The following CADPS variants were observed in gnomAD, a reference collection of about 807,000 sequenced individuals.
CADPS encodes calcium dependent secretion activator, also known as calcium-dependent secretion activator 1.
CADPS carries 57 observed loss-of-function variants against 167.3 expected under a neutral mutation model. That is an observed-to-expected ratio of 0.34 (90% CI 0.28 to 0.42). CADPS has a LOEUF of 0.42. CADPS is among the 20% of genes least tolerant of loss of function. CADPS has a pLI of 1.00. For missense variants in CADPS, 1,414 were observed against 1,738.1 expected (o/e 0.81, Z 3.32); for synonymous variants, 676 against 635.3 (o/e 1.06, Z -0.96).
intron 3 of CADPS, among the ~76,000 whole-genome samples, chr3:62,731,578 G>T (rs2077809023): frequency 6.6e-6 from 1 of 152,000 alleles, no homozygotes; most frequent in Non-Finnish European, 1.5e-5. Context: ...CTATACTGGT[G>T]CAGCTCTGGT....
At chr3:62,605,169 A>G (rs996934139) in intron 6 of CADPS, among the ~76,000 whole-genome samples, 5 of 152,010 alleles carry the variant, frequency 3.3e-5, no homozygotes, top group African/African-American at 9.7e-5. Flanking sequence ...GGCTTGGGCC[A>G]GGGGAATTGT....
At chr3:62,463,034 G>T (rs1174651986) in intron 26 of CADPS, among the ~76,000 whole-genome samples, 2 of 152,184 alleles carry the variant, frequency 1.3e-5, no homozygotes, top group Non-Finnish European at 2.9e-5. Context: ...CCAGCAACAG[G>T]CACCGAAGTG....
chr3:62,827,640 C>T (rs1303330775), intron 1 of CADPS, among the ~76,000 whole-genome samples: 1 of 152,174 alleles, frequency 6.6e-6, no homozygotes, highest in East Asian at 1.9e-4. Context: ...GGAAACTGAT[C>T]TTTCAAATAG....
chr3:62,831,446 G>A (rs928997220), intron 1 of CADPS, among the ~76,000 whole-genome samples: 2 of 152,102 alleles, frequency 1.3e-5, no homozygotes, highest in Admixed American at 6.6e-5. Flanking sequence ...AGGGAATCAG[G>A]ATGATGGGTT....
intron 8 of CADPS, among the ~76,000 whole-genome samples, chr3:62,576,918 A>G (rs2082401490): frequency 6.7e-6 from 1 of 150,278 alleles, no homozygotes; most frequent in African/African-American, 2.5e-5. Flanking sequence ...CATATTTTGT[A>G]TCATGATTTG....
At chr3:62,471,674 G>C (rs1208107930) in intron 24 of CADPS, among the ~76,000 whole-genome samples, 1 of 152,146 alleles carries the variant, frequency 6.6e-6, no homozygotes, top group Non-Finnish European at 1.5e-5. Context: ...GGCAAGACCA[G>C]TCCTGTTGTA....
At position 62,825,509 on chromosome 3, in the gene CADPS, C is replaced by G. The variant is rs1033461103; in HGVS notation, c.441+49080G>C. On this transcript the variant is annotated intron_variant, in intron 1 of 29. Transcript: ENST00000383710. ...TCCAATGCATGCTCAAGTTTGAAAA[C>G]CACCGTCTTCTATCAGGTAAACCTC... Among the ~76,000 whole-genome samples, 16 of 152,244 alleles carry G rather than the reference C, an allele frequency of 1.1e-4. No homozygotes were observed. The East Asian group carries it at 2.1e-3, about 20-fold the overall frequency.
chr3:62,531,377 C>T (rs537943911), intron 13 of CADPS, among the ~76,000 whole-genome samples: 14 of 152,190 alleles, frequency 9.2e-5, no homozygotes, highest in African/African-American at 1.7e-4. Flanking sequence ...TAAAAGGTCA[C>T]GTGCTGGGCT....
At chr3:62,581,120 G>A (rs1047373422) in intron 8 of CADPS, among the ~76,000 whole-genome samples, 1 of 152,114 alleles carries the variant, frequency 6.6e-6, no homozygotes, top group African/African-American at 2.4e-5. Context: ...TAAAGAAGAA[G>A]TTTCTTGCAT....
intron 1 of CADPS, among the ~76,000 whole-genome samples, chr3:62,809,383 T>C (rs1444098071): frequency 1.3e-5 from 2 of 152,200 alleles, no homozygotes; most frequent in African/African-American, 4.8e-5. Context: ...TTTTACTGGA[T>C]GCCAGTGCCA....
At chr3:62,413,805 C>T (rs576440381) in intron 28 of CADPS, among the ~76,000 whole-genome samples, 2 of 152,052 alleles carry the variant, frequency 1.3e-5, no homozygotes, top group South Asian at 4.1e-4. Flanking sequence ...AAATCACTTC[C>T]CATACTTAAA....
Position 62,766,019 on chromosome 3 carries a change from C to G in CADPS, c.442-35G>C, listed in dbSNP as rs200631507. On this transcript the variant is annotated intron_variant, in intron 1 of 29. Coordinates refer to ENST00000383710, the MANE Select transcript of CADPS (RefSeq NM_003716.4). ...ACAGAAAAAGAGGGAAATGTGAGAACTTGTCCTAGACAAGGATCATGGATA... is the reference window on the plus strand; with the variant it reads ...ACAGAAAAAGAGGGAAATGTGAGAAGTTGTCCTAGACAAGGATCATGGATA... 9.1e-5 allele frequency: 132 copies of G among 1,456,328 alleles called. No individual in the cohort carries two copies. The African/African-American group carries it at 1.7e-3, about 18-fold the overall frequency. 90.2% of individuals were successfully genotyped at this position (1,456,328 alleles called of 1,614,324 possible). A position where few individuals can be genotyped will look rare whatever the true frequency, so the allele number is the denominator to read the frequency against.
In CADPS at chr3:62,458,173, G is replaced by C. The variant is rs2058923051; in HGVS notation, c.3636+7194C>G. On this transcript the variant is annotated intron_variant, in intron 26 of 29. Coordinates refer to ENST00000383710, the MANE Select transcript of CADPS (RefSeq NM_003716.4). This position sits in a 1 kb window ranked among gnomAD's most constrained non-coding sequence, Gnocchi z 4.6. ...AGTAAGGCTAAGAATGGCTATTTAT[G>C]GAGCACCTACTAACTATATACCAGG... Among the ~76,000 whole-genome samples, 1 of 152,168 alleles carries C rather than the reference G, an allele frequency of 6.6e-6. No individual in the cohort carries two copies. The highest frequency in any genetic ancestry group is 6.5e-5 in the Admixed American group (1 of 15,278).
At chr3:62,611,483 T>C (rs574658376) in intron 6 of CADPS, among the ~76,000 whole-genome samples, 4 of 152,292 alleles carry the variant, frequency 2.6e-5, no homozygotes, top group African/African-American at 9.6e-5. Flanking sequence ...GCCAGAGTAA[T>C]CCTTTAAAAT....
intron 3 of CADPS, among the ~76,000 whole-genome samples, chr3:62,688,306 CTCTAT>C (rs2078472760): frequency 6.6e-6 from 1 of 152,010 alleles, no homozygotes; most frequent in African/African-American, 2.4e-5. Flanking sequence ...GCAAAATATT[CTCTAT>C]TGAGAACCAT....
At chr3:62,873,032 T>C (rs62242421) in intron 1 of CADPS, among the ~76,000 whole-genome samples, 7,342 of 152,298 alleles carry the variant, frequency 0.048, 256 homozygotes, top group Middle Eastern at 0.1. Context: ...CTTTTACTTC[T>C]CTGAGGATAC....
intron 7 of CADPS, among the ~76,000 whole-genome samples, chr3:62,590,746 A>T (rs1046377070): frequency 1.3e-5 from 2 of 152,108 alleles, no homozygotes; most frequent in Non-Finnish European, 2.9e-5. Flanking sequence ...TATGCTATAG[A>T]TGTTATATCA....
At position 62,850,135 on chromosome 3, in the gene CADPS, ATTT is replaced by A. The variant is rs1353718135; in HGVS notation, c.441+24451_441+24453del. Among the ~76,000 whole-genome samples, 7 of 120,900 alleles carry A rather than the reference ATTT, an allele frequency of 5.8e-5. No individual in the cohort carries two copies. In the Middle Eastern group the frequency reaches 0.019, roughly 332 times the overall value. The allele number at this position is 120,900 out of a possible 152,430, so 79.3% of individuals were successfully genotyped here. The stretch of plus-strand genomic sequence containing the variant: ...GATCGGTGGTGGTATCCCCTTTATC[ATTT>A]TTTATCGTGTCTATTTGATTCTTCT... On this transcript the variant is annotated intron_variant, in intron 1 of 29. Transcript: ENST00000383710.
At chr3:62,815,474 G>T (rs1312974560) in intron 1 of CADPS, among the ~76,000 whole-genome samples, 1 of 152,008 alleles carries the variant, frequency 6.6e-6, no homozygotes, top group Non-Finnish European at 1.5e-5. Flanking sequence ...TCTCCTGGGG[G>T]ACAGATAACA....
Sources: allele counts gnomAD v4.1 joint callset (sites outside exome capture counted in the v4.1 genomes callset), GRCh38; gene constraint gnomAD v4.1.1; non-coding constraint Gnocchi (gnomAD v3.1); transcripts MANE v1.5; gene names NCBI Gene and HGNC (gene_info 2026-07-23, HGNC 2026-07-21).